CCDC142: variants seen among roughly 807,000 people sequenced by gnomAD.
The protein encoded by CCDC142 is coiled-coil domain-containing protein 142.
A neutral mutation model predicts 83.8 loss-of-function variants in CCDC142; 67 were observed. That is an observed-to-expected ratio of 0.80 (90% confidence interval 0.66 to 0.98). The LOEUF (loss-of-function observed/expected upper bound fraction) is 0.98, where lower values mean the gene tolerates loss of function less well. Ranked by LOEUF, CCDC142 falls within the 50% of genes least tolerant of loss-of-function variation. CCDC142 has a pLI of 0.00. For missense variants in CCDC142, 905 were observed against 946.8 expected (o/e 0.96, Z 0.58); for synonymous variants, 421 against 421.2 (o/e 1.00, Z 0.01).
chr2:74,474,852 C>G, intron 8 of CCDC142, 50 bp from the exon 9 acceptor site: 2 of 1,581,908 alleles, frequency 1.3e-6, no homozygotes, highest in Non-Finnish European at 1.7e-6. Context: ...TATACTGAAG[C>G]CAGATTAATG....
rs1453706242 is a variant in CCDC142, at chr2:74,482,504, C to A, written c.334G>T (p.Ala112Ser). The change falls in exon 1 of 9, where the codon GCC becomes TCC. Residue 112 changes from alanine (A) to serine (S), a missense_variant. Coordinates refer to ENST00000393965, the MANE Select transcript of CCDC142 (RefSeq NM_001365575.2). This position sits in a 1 kb window ranked among gnomAD's most constrained non-coding sequence, Gnocchi z 5.0. ...CGCACAGCCGACTGTAGGTGGTAGG[C>A]GCAGTCTCGGGCCTGGAGGAGCTGC... ...REQLLQARDCAYHLQSAVRLM... is the reference protein window; with the variant it reads ...REQLLQARDCSYHLQSAVRLM... 4 of 1,563,054 alleles carry A rather than the reference C, an allele frequency of 2.6e-6. No individual in the cohort carries two copies. The African/African-American group carries it at 4.1e-5, about 16-fold the overall frequency.
At chr2:74,476,753 A>G (rs1397918188) in intron 5 of CCDC142, among the ~76,000 whole-genome samples, 3 of 152,216 alleles carry the variant, frequency 2.0e-5, no homozygotes, top group Non-Finnish European at 4.4e-5. Flanking sequence ...TCTGCTCTAC[A>G]GCCCATCTTG....
intron 5 of CCDC142, among the ~76,000 whole-genome samples, chr2:74,480,316 T>C (rs1278898336): frequency 6.6e-6 from 1 of 152,094 alleles, no homozygotes; most frequent in Non-Finnish European, 1.5e-5. Flanking sequence ...GGGCCAGGCA[T>C]GGTGGCGCAT....
At position 74,482,139 on chromosome 2, in the gene CCDC142, G is replaced by T. The variant is rs748576631; in HGVS notation, c.699C>A (p.Ser233=). 6.2e-7 allele frequency: 1 copy of T among 1,613,722 alleles called. No homozygotes were observed. Among genetic ancestry groups the T allele is most frequent in the Non-Finnish European group, 8.5e-7 (1 of 1,179,972 alleles). The change falls in exon 1 of 9, where the codon TCC becomes TCA. Residue 233 remains serine (S), a synonymous_variant. Coordinates refer to ENST00000393965, the MANE Select transcript of CCDC142 (RefSeq NM_001365575.2). This position sits in a 1 kb window ranked among gnomAD's most constrained non-coding sequence, Gnocchi z 5.0. ...CCCCCGTCAAGAGGCGGAGCACACGGGACGTGGGGAAAGGACGTGCGGCCC... is the reference window on the plus strand; with the variant it reads ...CCCCCGTCAAGAGGCGGAGCACACGTGACGTGGGGAAAGGACGTGCGGCCC... ...VPGAARPFPT[S]RVLRLLTGER...
rs780663256 is a variant in CCDC142 at position 74,482,007 on chromosome 2, C to T, written c.831G>A (p.Gly277=). Residue 277 remains glycine (G), a synonymous_variant, in exon 1 of 9, where the codon GGG becomes GGA. Transcript: ENST00000393965. The surrounding 1 kb of genome is among the most constrained non-coding windows in gnomAD (Gnocchi z 5.0). ...RCQEEGDLLP[G]LLGLVGGVAG... is the part of the protein sequence containing the mutation. ...CCACGCCCCCGACCAGGCCCAGCAGCCCTGGTAGCAGATCCCCCTCCTCTT... is the reference window on the plus strand; with the variant it reads ...CCACGCCCCCGACCAGGCCCAGCAGTCCTGGTAGCAGATCCCCCTCCTCTT... 51 of 1,613,738 alleles carry T rather than the reference C, an allele frequency of 3.2e-5. No individual in the cohort carries two copies. The East Asian group carries it at 1.1e-3, about 35-fold the overall frequency.
rs1672571251 is a variant in CCDC142, at chr2:74,482,692, C to T, written c.146G>A (p.Gly49Glu). Residue 49 changes from glycine to glutamate, a missense_variant, in exon 1 of 9, where the codon GGA (glycine) becomes GAA (glutamate). Around this residue, in one of 3 missense-constraint regions of CCDC142, gnomAD observed 591 missense variants for 571.4 expected, o/e 1.03. Transcript: ENST00000393965. This position sits in a 1 kb window ranked among gnomAD's most constrained non-coding sequence, Gnocchi z 5.0. ...CCACCACGGCGTCCCTCCAGAAGTT[C>T]CGCTCGGCCAGCAGTGAACCTCCCA... Reference protein sequence around the residue: ...LRWEVHCWPSGTSGGTPWWPT... With the variant: ...LRWEVHCWPSETSGGTPWWPT... The T allele has an allele frequency of 1.2e-6, 2 of 1,609,848 alleles. No homozygotes were observed. Among genetic ancestry groups the T allele is most frequent in the Non-Finnish European group, 8.5e-7 (1 of 1,179,966 alleles).
chr2:74,481,050 T>C lies in CCDC142; in HGVS notation c.1295A>G (p.Gln432Arg). 6.2e-7 allele frequency: 1 copy of C among 1,614,032 alleles called. No homozygotes were observed. The highest frequency in any genetic ancestry group is 1.6e-4 in the Middle Eastern group (1 of 6,062). ...APVALGLCTL[Q>R]TTLLWFLGRA... The stretch of plus-strand genomic sequence containing the variant: ...GCCCAGGAACCAGAGCAAGGTGGTC[T>C]GAAGGGTACAGAGACCTAGGGCGAC... The change falls in exon 4 of 9, where the codon CAG (glutamine) becomes CGG (arginine). Residue 432 changes from glutamine (Q) to arginine (R), a missense_variant. Physicochemically the swap from Gln to Arg is conservative, Grantham distance 43. Around this residue, in one of 3 missense-constraint regions of CCDC142, gnomAD observed 591 missense variants for 571.4 expected, o/e 1.03. Transcript: ENST00000393965.
At chr2:74,475,434 G>T (rs1672301856) in intron 6 of CCDC142, 32 bp from the exon 7 acceptor site, 1 of 1,547,346 alleles carries the variant, frequency 6.5e-7, no homozygotes, top group African/African-American at 1.4e-5. Flanking sequence ...ATAAGGCTGT[G>T]GAGATCCATT....
intron 5 of CCDC142, among the ~76,000 whole-genome samples, chr2:74,479,352 A>C (rs1672395177): frequency 6.6e-6 from 1 of 152,206 alleles, no homozygotes; most frequent in Non-Finnish European, 1.5e-5. Flanking sequence ...AAAACTGAGC[A>C]GGAAAACAAA....
chr2:74,482,301 C>G lies in CCDC142; in HGVS notation c.537G>C (p.Glu179Asp). The G allele has an allele frequency of 1.9e-6, 3 of 1,611,732 alleles. No individual in the cohort carries two copies. The highest frequency in any genetic ancestry group is 2.5e-6 in the Non-Finnish European group (3 of 1,179,506). ...CGCGAAGCTGCATCTCGATGACAGC[C>G]TCCAGGCACTGGGCGGCTAGTCCGA... ...RPIGLAAQCL[E>D]AVIEMQLRAL... The change falls in exon 1 of 9, where the codon GAG (glutamate) becomes GAC (aspartate). Residue 179 changes from glutamate to aspartate, a missense_variant. By Grantham distance (45) the Glu-to-Asp change is conservative. Transcript: ENST00000393965. This position sits in a 1 kb window ranked among gnomAD's most constrained non-coding sequence, Gnocchi z 5.0.
In CCDC142 at chr2:74,475,355, C is replaced by G. The variant is rs115899237; in HGVS notation, c.1666G>C (p.Val556Leu). The G allele has an allele frequency of 2.5e-3, 3,965 of 1,606,960 alleles. 89 individuals are homozygous for G. The African/African-American group carries it at 0.046, about 19-fold the overall frequency. ...AATCCTTGCAACACAGGCTCCAGTA[C>G]GGTGCGGACCACTAAACCAGCATAC... is the stretch of plus-strand genomic sequence containing the variant. ...SEYAGLVVRT[V>L]LEPVLQGLQG... The change falls in exon 7 of 9, where the codon GTA becomes CTA. Residue 556 changes from valine (V) to leucine (L), a missense_variant. Around this residue, in one of 3 missense-constraint regions of CCDC142, gnomAD observed 265 missense variants for 288.9 expected, o/e 0.92. Transcript: ENST00000393965.
At position 74,482,747 on chromosome 2, in the gene CCDC142, A is replaced by C. The variant is rs758460870; in HGVS notation, c.91T>G (p.Trp31Gly). 1 of 1,602,340 alleles carries C rather than the reference A, an allele frequency of 6.2e-7. No individual in the cohort carries two copies. Among genetic ancestry groups the C allele is most frequent in the Non-Finnish European group, 8.5e-7 (1 of 1,179,934 alleles). Residue 31 changes from tryptophan (W) to glycine (G), a missense_variant, in exon 1 of 9, where the codon TGG becomes GGG. This residue lies in a region of CCDC142 where 591 missense variants were observed against 571.4 expected (regional missense o/e 1.03). Coordinates refer to ENST00000393965, the MANE Select transcript of CCDC142 (RefSeq NM_001365575.2). This position sits in a 1 kb window ranked among gnomAD's most constrained non-coding sequence, Gnocchi z 5.0. ...AQPGGTGEEQ[W>G]ERSRTGGLRW... is the part of the protein sequence containing the mutation. Reference sequence around the variant, plus strand: ...AGACCGCCCGTTCGACTTCTCTCCCACTGCTCCTCCCCAGTGCCCCCGGGT... The same window carrying C: ...AGACCGCCCGTTCGACTTCTCTCCCCCTGCTCCTCCCCAGTGCCCCCGGGT...
Position 74,481,893 on chromosome 2 carries a change from C to CT in CCDC142, c.944dup (p.Ser316GlufsTer33), listed in dbSNP as rs1281381239. 5 of 1,614,076 alleles carry CT rather than the reference C, an allele frequency of 3.1e-6. No individual in the cohort carries two copies. The highest frequency in any genetic ancestry group is 4.2e-6 in the Non-Finnish European group (5 of 1,180,040). On this transcript the variant is annotated frameshift_variant, in exon 1 of 9. Coordinates refer to ENST00000393965, the MANE Select transcript of CCDC142 (RefSeq NM_001365575.2). LOFTEE classifies it high-confidence loss of function. ...AGGGTCCCAGATTTAGGTCCAGACTCTGAGCACAGGCTGCCCACAGCAGGG... is the reference window on the plus strand; with the variant it reads ...AGGGTCCCAGATTTAGGTCCAGACTCTTGAGCACAGGCTGCCCACAGCAGGG...
rs187391634 is a variant in CCDC142 at position 74,482,981 on chromosome 2, C to G, written c.-144G>C. ...GGACCTTCATGGACTCTCTCGTGCT[C>G]CGTAATGGGAGGCTTCTGCCCCTAA... On this transcript the variant is annotated 5_prime_UTR_variant, in exon 1 of 9. Coordinates refer to ENST00000393965, the MANE Select transcript of CCDC142 (RefSeq NM_001365575.2). The surrounding 1 kb of genome is among the most constrained non-coding windows in gnomAD (Gnocchi z 5.0). 5.1e-5 allele frequency: 80 copies of G among 1,574,748 alleles called. 2 individuals are homozygous for G. The East Asian group carries it at 6.7e-4, about 13-fold the overall frequency.
chr2:74,482,166 T>C lies in CCDC142; in HGVS notation c.672A>G (p.Pro224=). ...TLQRKALSHV[P]GAARPFPTSR... ...ACGTGGGGAAAGGACGTGCGGCCCCTGGGACGTGGCTCAAGGCTTTTCTCT... is the reference window on the plus strand; with the variant it reads ...ACGTGGGGAAAGGACGTGCGGCCCCCGGGACGTGGCTCAAGGCTTTTCTCT... Residue 224 remains proline, a synonymous_variant, in exon 1 of 9, where the codon CCA becomes CCG. Coordinates refer to ENST00000393965, the MANE Select transcript of CCDC142 (RefSeq NM_001365575.2). This position sits in a 1 kb window ranked among gnomAD's most constrained non-coding sequence, Gnocchi z 5.0. The C allele has an allele frequency of 1.2e-6, 2 of 1,613,742 alleles. No homozygotes were observed. Among genetic ancestry groups the C allele is most frequent in the Non-Finnish European group, 1.7e-6 (2 of 1,179,944 alleles).
At position 74,482,919 on chromosome 2, in the gene CCDC142, A is replaced by G; in HGVS notation, c.-82T>C. The G allele has an allele frequency of 6.4e-7, 1 of 1,565,228 alleles. No individual in the cohort carries two copies. Among genetic ancestry groups the G allele is most frequent in the Non-Finnish European group, 8.7e-7 (1 of 1,154,812 alleles). ...CCCGCCGCAGCTCGGACTTCGCCCCATCGCAAGAGCCGTTTTCTCCAGTCC... is the reference window on the plus strand; with the variant it reads ...CCCGCCGCAGCTCGGACTTCGCCCCGTCGCAAGAGCCGTTTTCTCCAGTCC... On this transcript the variant is annotated 5_prime_UTR_variant, in exon 1 of 9. It removes an upstream start codon present in the reference 5' UTR. Transcript: ENST00000393965. The surrounding 1 kb of genome is among the most constrained non-coding windows in gnomAD (Gnocchi z 5.0).
intron 6 of CCDC142, 103 bp from the exon 7 acceptor site, chr2:74,475,505 A>G (rs2104008140): frequency 6.8e-7 from 1 of 1,460,652 alleles, no homozygotes; most frequent in Non-Finnish European, 9.3e-7. Flanking sequence ...AGGGTACAGA[A>G]GCTGAGGACA....
Position 74,473,157 on chromosome 2 carries a change from GTAC to G in CCDC142, c.*1386_*1388del, listed in dbSNP as rs1271536963. The G allele has an allele frequency of 3.8e-4, 78 of 206,474 alleles. 3 individuals carry two copies. The South Asian group carries it at 4.9e-3, about 13-fold the overall frequency. The allele number at this position is 206,474 out of a possible 1,614,324, so 12.8% of individuals were successfully genotyped here. On this transcript the variant is annotated 3_prime_UTR_variant, in exon 9 of 9. Coordinates refer to ENST00000393965, the MANE Select transcript of CCDC142 (RefSeq NM_001365575.2). ...GAATAGCCAAAGCTTAAACGTGAAA[GTAC>G]TACAGCCCAATATTAGTAAATGACT... is the stretch of plus-strand genomic sequence containing the variant.
chr2:74,479,957 A>G (rs1451029118), intron 5 of CCDC142, among the ~76,000 whole-genome samples: 1 of 152,258 alleles, frequency 6.6e-6, no homozygotes, highest in Non-Finnish European at 1.5e-5. Context: ...AGATGCAATC[A>G]TTTATCCTGA....
Sources: allele counts gnomAD v4.1 joint callset (sites outside exome capture counted in the v4.1 genomes callset), GRCh38; gene constraint gnomAD v4.1.1; regional missense constraint gnomAD v4.1.1; non-coding constraint Gnocchi (gnomAD v3.1); transcripts MANE v1.5; gene names NCBI Gene and HGNC (gene_info 2026-07-23, HGNC 2026-07-21).